KRT72: variants seen among roughly 807,000 people sequenced by gnomAD.
KRT72 encodes keratin, type II cytoskeletal 72.
KRT72 carries 44 observed loss-of-function variants against 44.7 expected under a neutral mutation model. The observed-to-expected ratio is 0.98, with a 90% CI of 0.77 to 1.27. The LOEUF (loss-of-function observed/expected upper bound fraction) is 1.27, where lower values mean the gene tolerates loss of function less well. Ranked by LOEUF, KRT72 falls within the 50% of genes most tolerant of loss-of-function variation. The probability of loss-of-function intolerance (pLI) is 0.00; values close to 1 mark genes in which losing one functional copy is unlikely to be tolerated. For missense variants in KRT72, 736 were observed against 667.1 expected (o/e 1.10, Z -1.14); for synonymous variants, 302 against 280.4 (o/e 1.08, Z -0.77).
chr12:52,601,193 T>A lies in KRT72; in HGVS notation c.260A>T (p.Lys87Met), dbSNP rs761428227. The change falls in exon 1 of 9, where the codon AAG becomes ATG. Residue 87 changes from lysine to methionine, a missense_variant. Coordinates refer to ENST00000293745, the MANE Select transcript of KRT72 (RefSeq NM_080747.3). ...TAFGSAGLGP[K>M]CPSVCPPGGI... ...CCCGGGTGGGCACACGGAGGGACAC[T>A]TGGGCCCCAGCCCGGCGCTGCCGAA... 1 of 1,612,418 alleles carries A rather than the reference T, an allele frequency of 6.2e-7. No individual in the cohort carries two copies. The highest frequency in any genetic ancestry group is 8.5e-7 in the Non-Finnish European group (1 of 1,179,150).
At chr12:52,600,919 G>A (rs2120821230) in intron 1 of KRT72, 108 bp downstream of exon 1, 5 of 1,189,890 alleles carry the variant, frequency 4.2e-6, no homozygotes, top group East Asian at 2.4e-5. Flanking sequence ...AGGGAGGCTC[G>A]GAGAGGTTAT....
intron 1 of KRT72, 53 bp from the exon 2 acceptor site, chr12:52,599,165 G>C: frequency 6.3e-7 from 1 of 1,581,562 alleles, no homozygotes; most frequent in Non-Finnish European, 8.7e-7. Context: ...TGCCTCTCAA[G>C]AGTGGGGAAA....
At chr12:52,594,378 G>T (rs2120776235) in intron 2 of KRT72, among the ~76,000 whole-genome samples, 1 of 151,510 alleles carries the variant, frequency 6.6e-6, no homozygotes, top group African/African-American at 2.4e-5. Flanking sequence ...ATCAGTGATA[G>T]ACTGGATTAA....
chr12:52,596,995 A>AT (rs1005236008), intron 2 of KRT72, among the ~76,000 whole-genome samples: 2 of 152,196 alleles, frequency 1.3e-5, no homozygotes, highest in African/African-American at 4.8e-5. Context: ...AAAAGTTATG[A>AT]TTTTTAAAGC....
chr12:52,586,099 A>G lies in KRT72; in HGVS notation c.1419T>C (p.Tyr473=), dbSNP rs1236530975. The G allele has an allele frequency of 2.5e-6, 4 of 1,614,076 alleles. No homozygotes were observed. The highest frequency in any genetic ancestry group is 3.4e-6 in the Non-Finnish European group (4 of 1,180,036). The change falls in exon 9 of 9, where the codon TAT becomes TAC. Residue 473 remains tyrosine (Y), a synonymous_variant. Coordinates refer to ENST00000293745, the MANE Select transcript of KRT72 (RefSeq NM_080747.3). Reference sequence around the variant, plus strand: ...CGTCTGCAGCTGCAGTTTTGTAGCTATAACTGCTTGAGGCGCCAAAGCCCA... The same window carrying G: ...CGTCTGCAGCTGCAGTTTTGTAGCTGTAACTGCTTGAGGCGCCAAAGCCCA... The part of the protein sequence containing the change: ...FSMGFGASSS[Y]SYKTAAADVK...
Position 52,585,906 on chromosome 12 carries a change from A to T in KRT72, c.*76T>A. ...AGACAAAGCATTTCTTGACTTGGAA[A>T]GGGAGCCCAGGGAAGGAGAGGGAGG... On this transcript the variant is annotated 3_prime_UTR_variant, in exon 9 of 9. Coordinates refer to ENST00000293745, the MANE Select transcript of KRT72 (RefSeq NM_080747.3). The T allele has an allele frequency of 7.6e-7, 1 of 1,323,948 alleles. No homozygotes were observed. Among genetic ancestry groups the T allele is most frequent in the Admixed American group, 2.0e-5 (1 of 51,122 alleles). 82.0% of individuals were successfully genotyped at this position (1,323,948 alleles called of 1,614,324 possible). A position where few individuals can be genotyped will look rare whatever the true frequency, so the allele number is the denominator to read the frequency against.
intron 7 of KRT72, 113 bp downstream of exon 7, chr12:52,587,518 G>T: frequency 9.0e-7 from 1 of 1,115,216 alleles, no homozygotes; most frequent in Non-Finnish European, 1.3e-6. Flanking sequence ...AAGCCCATTT[G>T]CTGTATGGTT....
At chr12:52,587,959 C>A in intron 6 of KRT72, 108 bp from the exon 7 acceptor site, 1 of 1,125,332 alleles carries the variant, frequency 8.9e-7, no homozygotes, top group African/African-American at 1.5e-5. Flanking sequence ...GCTTGGAGAT[C>A]CTCCTGGTTT....
At chr12:52,592,997 C>A in intron 2 of KRT72, 45 bp from the exon 3 acceptor site, 4 of 1,556,768 alleles carry the variant, frequency 2.6e-6, no homozygotes, top group Non-Finnish European at 2.6e-6. Context: ...TGCAAACACT[C>A]ACTGAACAGT....
At position 52,589,622 on chromosome 12, in the gene KRT72, C is replaced by T. The variant is rs76766073; in HGVS notation, c.1089+1214G>A. Among the ~76,000 whole-genome samples, 79 of 152,262 alleles carry T rather than the reference C, an allele frequency of 5.2e-4. No homozygotes were observed. The East Asian group carries it at 0.014, about 26-fold the overall frequency. ...CATGAATGCTGAGGACACCAAATGC[C>T]AAGGAACTCTGCATGTGACATGGTG... On this transcript the variant is annotated intron_variant, in intron 6 of 8. Transcript: ENST00000293745.
intron 5 of KRT72, 63 bp downstream of exon 5, chr12:52,591,401 C>A (rs1940014411): frequency 7.2e-6 from 11 of 1,532,930 alleles, no homozygotes; most frequent in African/African-American, 1.4e-5. Flanking sequence ...CGTACACATG[C>A]ACACATACTG....
chr12:52,590,708 T>G (rs1939970054), intron 6 of KRT72, 128 bp downstream of exon 6: 1 of 883,926 alleles, frequency 1.1e-6, no homozygotes, highest in Non-Finnish European at 1.6e-6. Context: ...TCTGTTCAGA[T>G]CATCCTCTCC....
intron 2 of KRT72, 117 bp from the exon 3 acceptor site, chr12:52,593,069 C>A (rs181310605): frequency 5.0e-4 from 399 of 801,124 alleles, no homozygotes; most frequent in Non-Finnish European, 7.2e-4. Flanking sequence ...ATTCCCATAC[C>A]CCTGGGGCAC....
At chr12:52,587,249 G>C (rs1040243761) in intron 7 of KRT72, among the ~76,000 whole-genome samples, 1 of 152,060 alleles carries the variant, frequency 6.6e-6, no homozygotes, top group South Asian at 2.1e-4. Flanking sequence ...CTCTAGTCAT[G>C]CCACTGTTCT....
At chr12:52,597,991 C>T (rs1324542373) in intron 2 of KRT72, among the ~76,000 whole-genome samples, 1 of 152,202 alleles carries the variant, frequency 6.6e-6, no homozygotes, top group Non-Finnish European at 1.5e-5. Context: ...CTGTGTCTGG[C>T]AGCCCCCTGT....
chr12:52,594,159 G>A (rs1290409526), intron 2 of KRT72, among the ~76,000 whole-genome samples: 1 of 152,154 alleles, frequency 6.6e-6, no homozygotes, highest in East Asian at 1.9e-4. Flanking sequence ...CCTAAGGCAT[G>A]TCCCTGGAAG....
chr12:52,599,988 T>A (rs1478401593), intron 1 of KRT72, among the ~76,000 whole-genome samples: 1 of 152,176 alleles, frequency 6.6e-6, no homozygotes, highest in African/African-American at 2.4e-5. Context: ...TGTCCCCTTA[T>A]CACTCACCGT....
At chr12:52,601,506 C>A (rs1195428976), upstream of KRT72, 4 of 1,514,882 alleles carry the variant, frequency 2.6e-6, 1 homozygote, top group Non-Finnish European at 3.5e-6. Context: ...CGCAAACAGC[C>A]GCTGCGTTCT....
At chr12:52,588,164 A>C (rs1173559088) in intron 6 of KRT72, among the ~76,000 whole-genome samples, 1 of 152,234 alleles carries the variant, frequency 6.6e-6, no homozygotes, top group Non-Finnish European at 1.5e-5. Flanking sequence ...ATCAGCTGTA[A>C]GATTCTTATG....
Sources: gnomAD v4.1 joint callset for allele counts (sites outside exome capture counted in the v4.1 genomes callset) on GRCh38, gnomAD v4.1.1 for gene constraint, MANE v1.5 for transcripts, NCBI Gene and HGNC (gene_info 2026-07-23, HGNC 2026-07-21) for gene names.